The following MACROD2 variants were observed in gnomAD, a reference collection of about 807,000 sequenced individuals.
The protein encoded by MACROD2 is ADP-ribose glycohydrolase MACROD2.
MACROD2 carries 36 observed loss-of-function variants against 70.4 expected under a neutral mutation model. The ratio of observed to expected loss-of-function variants is 0.51; its 90% confidence interval spans 0.39 to 0.68. MACROD2 has a LOEUF of 0.68. Among genes scored for constraint, MACROD2 ranks in the 30% least tolerant of loss-of-function variants. The pLI is 0.00. For missense variants in MACROD2, 496 were observed against 538.4 expected (o/e 0.92, Z 0.78); for synonymous variants, 172 against 178.8 (o/e 0.96, Z 0.30).
chr20:15,137,611 A>C (rs1325530860), intron 5 of MACROD2, among the ~76,000 whole-genome samples: 1 of 150,564 alleles, frequency 6.6e-6, no homozygotes, highest in Non-Finnish European at 1.5e-5. Context: ...CTAATGCTAC[A>C]TGATGAGTTA....
At chr20:14,951,171 G>A (rs2074472779) in intron 5 of MACROD2, among the ~76,000 whole-genome samples, 1 of 152,014 alleles carries the variant, frequency 6.6e-6, no homozygotes, top group Admixed American at 6.6e-5. Flanking sequence ...TCATGAATAG[G>A]CCAGCCCTGA....
chr20:15,271,033 C>T (rs2077341600), intron 6 of MACROD2, among the ~76,000 whole-genome samples: 1 of 152,122 alleles, frequency 6.6e-6, no homozygotes, highest in Non-Finnish European at 1.5e-5. Flanking sequence ...ATTGGATCTC[C>T]AAAACTGTGT....
At chr20:15,018,601 A>G (rs2075139687) in intron 5 of MACROD2, among the ~76,000 whole-genome samples, 2 of 148,056 alleles carry the variant, frequency 1.4e-5, no homozygotes, top group African/African-American at 5.1e-5. Context: ...TAGGATATAT[A>G]TATAGAGAGA....
In MACROD2 at chr20:14,277,158, T is replaced by A. The variant is rs201630804; in HGVS notation, c.271+191430T>A. Among the ~76,000 whole-genome samples the A allele has an allele frequency of 2.6e-5, 4 of 151,670 alleles. No homozygotes were observed. In the East Asian group the frequency reaches 7.8e-4, roughly 29 times the overall value. ...CTCTACTAAAAATACAAAAAAAAAATTAACTGGGCATGGTGGCACTGTGGC... is the reference window on the plus strand; with the variant it reads ...CTCTACTAAAAATACAAAAAAAAAAATAACTGGGCATGGTGGCACTGTGGC... On this transcript the variant is annotated intron_variant, in intron 3 of 17. Coordinates refer to ENST00000684519, the MANE Select transcript of MACROD2 (RefSeq NM_001351661.2).
At chr20:14,203,182 C>G (rs987948662) in intron 3 of MACROD2, among the ~76,000 whole-genome samples, 1 of 151,990 alleles carries the variant, frequency 6.6e-6, no homozygotes, top group South Asian at 2.1e-4. Context: ...TGTTGAAGCT[C>G]AATTGTATTT....
chr20:15,976,783 A>C (rs1359016378), intron 13 of MACROD2, among the ~76,000 whole-genome samples: 1 of 152,248 alleles, frequency 6.6e-6, no homozygotes, highest in Non-Finnish European at 1.5e-5. Context: ...TTGTCAAAAT[A>C]TGTAAAGCAC....
At chr20:15,937,387 G>A (rs935650347) in intron 11 of MACROD2, 89 bp from the exon 12 acceptor site, 3 of 1,126,856 alleles carry the variant, frequency 2.7e-6, no homozygotes, top group South Asian at 2.5e-5. Context: ...TTCTTTGGTG[G>A]AGAGTGGAGG....
At chr20:14,501,252 CA>C (rs1278954000) in intron 4 of MACROD2, among the ~76,000 whole-genome samples, 1 of 151,970 alleles carries the variant, frequency 6.6e-6, no homozygotes, top group Non-Finnish European at 1.5e-5. Context: ...GAATGAAATA[CA>C]GAGAATTTAC....
chr20:14,933,816 G>T (rs1178458076), intron 5 of MACROD2: 1 of 152,046 alleles, frequency 6.6e-6, no homozygotes, highest in Non-Finnish European at 1.5e-5. Context: ...GTCATTTATT[G>T]AAGGTAATGG....
intron 8 of MACROD2, among the ~76,000 whole-genome samples, chr20:15,558,926 T>C (rs2146602262): frequency 6.6e-6 from 1 of 152,300 alleles, no homozygotes; most frequent in South Asian, 2.1e-4. Context: ...ACTGAACCAT[T>C]TAGTTATGCT....
intron 3 of MACROD2, among the ~76,000 whole-genome samples, chr20:14,140,183 T>G (rs2054851218): frequency 6.6e-6 from 1 of 152,188 alleles, no homozygotes; most frequent in Admixed American, 6.5e-5. Context: ...TACTGTGACA[T>G]GATTCATGCA....
intron 6 of MACROD2, among the ~76,000 whole-genome samples, chr20:15,311,444 A>G (rs1378307605): frequency 6.6e-6 from 1 of 152,198 alleles, no homozygotes; most frequent in Non-Finnish European, 1.5e-5. Context: ...TATATATCCG[A>G]AAGAAAACAA....
intron 4 of MACROD2, among the ~76,000 whole-genome samples, chr20:14,558,338 A>G (rs1427264426): frequency 6.6e-6 from 1 of 151,768 alleles, no homozygotes; most frequent in Non-Finnish European, 1.5e-5. Context: ...AGGGCCTGGT[A>G]TGTGAATCAA....
intron 8 of MACROD2, among the ~76,000 whole-genome samples, chr20:15,606,796 A>C (rs2048899360): frequency 6.6e-6 from 1 of 152,152 alleles, no homozygotes; most frequent in African/African-American, 2.4e-5. Context: ...TGAGGTCAGA[A>C]GTTCAAGACC....
intron 4 of MACROD2, among the ~76,000 whole-genome samples, chr20:14,578,070 A>AT (rs1980732505): frequency 6.6e-6 from 1 of 151,960 alleles, no homozygotes. Flanking sequence ...ACCTTCTTAC[A>AT]ATTTTACATA....
intron 5 of MACROD2, among the ~76,000 whole-genome samples, chr20:15,002,205 G>A (rs2075001394): frequency 6.6e-6 from 1 of 152,080 alleles, no homozygotes; most frequent in Non-Finnish European, 1.5e-5. Context: ...TTGCCGTAGT[G>A]GTTGTAATAG....
At chr20:14,503,971 T>C (rs1395892401) in intron 4 of MACROD2, among the ~76,000 whole-genome samples, 2 of 152,238 alleles carry the variant, frequency 1.3e-5, no homozygotes, top group Non-Finnish European at 1.5e-5. Context: ...TTATCTCTAC[T>C]TAAGAATCTT....
chr20:14,320,790 C>A (rs1289725795), intron 3 of MACROD2, among the ~76,000 whole-genome samples: 1 of 151,388 alleles, frequency 6.6e-6, no homozygotes, highest in Admixed American at 6.6e-5. Flanking sequence ...AAACCTCCCT[C>A]AGGTGATTCT....
chr20:15,212,979 C>T (rs577634875), intron 5 of MACROD2, among the ~76,000 whole-genome samples: 4 of 152,234 alleles, frequency 2.6e-5, no homozygotes, highest in South Asian at 2.1e-4. Context: ...GTTTTGATCG[C>T]CCTCAAGTTT....
Sources: allele counts gnomAD v4.1 joint callset (sites outside exome capture counted in the v4.1 genomes callset), GRCh38; gene constraint gnomAD v4.1.1; transcripts MANE v1.5; gene names NCBI Gene and HGNC (gene_info 2026-07-23, HGNC 2026-07-21).